The following FAT3 variants were observed in gnomAD, a reference collection of about 807,000 sequenced individuals.
The protein encoded by FAT3 is FAT atypical cadherin 3, also known as protocadherin Fat 3.
Under a neutral mutation model 310.2 loss-of-function variants are expected in FAT3, and 95 were observed. That is an observed-to-expected ratio of 0.31 (90% CI 0.26 to 0.36). The LOEUF is 0.36. Among genes scored for constraint, FAT3 ranks in the 10% least tolerant of loss-of-function variants. The pLI is 1.00. For missense variants in FAT3, 5,408 were observed against 5,715.6 expected (o/e 0.95, Z 1.74); for synonymous variants, 2,314 against 2,192.9 (o/e 1.06, Z -1.54).
chr11:92,611,736 A>T (rs1440634834), intron 3 of FAT3, among the ~76,000 whole-genome samples: 3 of 152,166 alleles, frequency 2.0e-5, no homozygotes, highest in Non-Finnish European at 4.4e-5. Context: ...TATAGGAATT[A>T]TAGGGGGAGA....
At chr11:92,226,825 C>A (rs970767918) in intron 1 of FAT3, among the ~76,000 whole-genome samples, 1 of 152,142 alleles carries the variant, frequency 6.6e-6, no homozygotes, top group Non-Finnish European at 1.5e-5. Context: ...TTTGGGCGAA[C>A]CTGCAGCAGC....
intron 1 of FAT3, among the ~76,000 whole-genome samples, chr11:92,234,566 A>G (rs1042407398): frequency 2.0e-5 from 3 of 152,114 alleles, no homozygotes; most frequent in Admixed American, 2.0e-4. Context: ...CAGCAGTTCG[A>G]GACCTGCCTG....
intron 4 of FAT3, among the ~76,000 whole-genome samples, chr11:92,744,902 G>C (rs921451630): frequency 1.1e-4 from 16 of 152,160 alleles, no homozygotes; most frequent in African/African-American, 3.9e-4. Flanking sequence ...ATTTAGGTAG[G>C]CAAGGTGTTA....
At chr11:92,703,174 A>C (rs1465223552) in intron 4 of FAT3, among the ~76,000 whole-genome samples, 1 of 152,166 alleles carries the variant, frequency 6.6e-6, no homozygotes, top group Non-Finnish European at 1.5e-5. Flanking sequence ...AGGGAAAAAA[A>C]TATTGTTCTT....
At chr11:92,231,461 C>A (rs971833185) in intron 1 of FAT3, among the ~76,000 whole-genome samples, 11 of 152,082 alleles carry the variant, frequency 7.2e-5, no homozygotes, top group African/African-American at 2.7e-4. Context: ...TCAGTTAATT[C>A]TTTCTTTCTT....
chr11:92,634,074 G>T (rs947208465), intron 3 of FAT3, among the ~76,000 whole-genome samples: 1 of 152,174 alleles, frequency 6.6e-6, no homozygotes, highest in Non-Finnish European at 1.5e-5. Flanking sequence ...TGACTAGAAG[G>T]TTATGTTATA....
intron 3 of FAT3, among the ~76,000 whole-genome samples, chr11:92,690,664 A>C (rs1277023106): frequency 6.6e-6 from 1 of 152,184 alleles, no homozygotes; most frequent in Non-Finnish European, 1.5e-5. Context: ...TTTTAAGGAA[A>C]TGTGATACAA....
At chr11:92,371,238 A>G (rs575478400) in intron 2 of FAT3, among the ~76,000 whole-genome samples, 80 of 152,326 alleles carry the variant, frequency 5.3e-4, no homozygotes, top group African/African-American at 1.9e-3. Flanking sequence ...TCTATGGGGT[A>G]TGTACTCTGA....
chr11:92,644,041 C>T (rs1166291596), intron 3 of FAT3, among the ~76,000 whole-genome samples: 1 of 152,232 alleles, frequency 6.6e-6, no homozygotes, highest in Non-Finnish European at 1.5e-5. Context: ...GACCTTGCAG[C>T]CATCCTTGTC....
chr11:92,878,634 T>TAAAAAAAAA (rs145900689), intron 22 of FAT3, among the ~76,000 whole-genome samples: 11 of 21,200 alleles, frequency 5.2e-4, no homozygotes, highest in African/African-American at 1.3e-3. Flanking sequence ...TGTTATGTGT[T>TAAAAAAAAA]AAAAAAAAAA....
At chr11:92,823,384 C>T (rs1369634578) in intron 13 of FAT3, among the ~76,000 whole-genome samples, 1 of 152,164 alleles carries the variant, frequency 6.6e-6, no homozygotes, top group Admixed American at 6.5e-5. Context: ...AGATAAGCTG[C>T]AGCTTTTTAG....
chr11:92,593,390 C>A (rs140854310), intron 3 of FAT3, among the ~76,000 whole-genome samples: 1 of 151,490 alleles, frequency 6.6e-6, no homozygotes, highest in East Asian at 1.9e-4. Flanking sequence ...AGCAGCTGTG[C>A]CATTTTACAT....
At chr11:92,567,701 C>G (rs560108) in intron 3 of FAT3, among the ~76,000 whole-genome samples, 59,127 of 151,548 alleles carry the variant, frequency 0.39, 12,244 homozygotes, top group Middle Eastern at 0.53. Flanking sequence ...GAATACTATG[C>G]AGCCATAAAA....
intron 1 of FAT3, among the ~76,000 whole-genome samples, chr11:92,332,122 G>A (rs1397515527): frequency 6.6e-6 from 1 of 152,146 alleles, no homozygotes; most frequent in African/African-American, 2.4e-5. Flanking sequence ...TAAAGTTCAT[G>A]GTCTTCATTT....
chr11:92,442,514 C>T (rs889056102), intron 2 of FAT3, among the ~76,000 whole-genome samples: 1 of 151,904 alleles, frequency 6.6e-6, no homozygotes, highest in Non-Finnish European at 1.5e-5. Flanking sequence ...CATCTATAGC[C>T]TCCCTGCTGT....
intron 4 of FAT3, among the ~76,000 whole-genome samples, chr11:92,746,783 A>G (rs907379457): frequency 1.3e-5 from 2 of 152,206 alleles, no homozygotes; most frequent in Non-Finnish European, 2.9e-5. Context: ...CATAGGGGCT[A>G]CAGGCCCCAT....
intron 2 of FAT3, among the ~76,000 whole-genome samples, chr11:92,426,414 A>G (rs1379246062): frequency 3.3e-5 from 5 of 151,968 alleles, no homozygotes; most frequent in Admixed American, 1.3e-4. Flanking sequence ...CATTTGTTGC[A>G]ATTGTTTTTG....
At chr11:92,256,511 T>C (rs2134292118) in intron 1 of FAT3, among the ~76,000 whole-genome samples, 1 of 151,954 alleles carries the variant, frequency 6.6e-6, no homozygotes, top group African/African-American at 2.4e-5. Context: ...AATAAGGAGA[T>C]AAATAAAAAA....
At chr11:92,853,102 C>T (rs1043874375) in intron 19 of FAT3, among the ~76,000 whole-genome samples, 14 of 152,224 alleles carry the variant, frequency 9.2e-5, no homozygotes, top group South Asian at 6.2e-4. Flanking sequence ...AGATCCCACA[C>T]CTGCCAAGGG....
Sources: gnomAD v4.1 joint callset for allele counts (sites outside exome capture counted in the v4.1 genomes callset) on GRCh38, gnomAD v4.1.1 for gene constraint, MANE v1.5 for transcripts, NCBI Gene and HGNC (gene_info 2026-07-23, HGNC 2026-07-21) for gene names.